The following ZNF638 variants were observed in gnomAD, a reference collection of about 807,000 sequenced individuals.
ZNF638 encodes the protein CTCL tumor antigen se33-1.
A neutral mutation model predicts 195.6 loss-of-function variants in ZNF638; 46 were observed. The ratio of observed to expected loss-of-function variants is 0.24; its 90% CI spans 0.19 to 0.30. ZNF638 has a LOEUF of 0.30. Among genes scored for constraint, ZNF638 ranks in the 10% least tolerant of loss-of-function variants. ZNF638 has a pLI of 1.00. For missense variants in ZNF638, 2,440 were observed against 2,325.3 expected (o/e 1.05, Z -1.01); for synonymous variants, 845 against 772.0 (o/e 1.09, Z -1.57).
At chr2:71,344,573 T>G (rs2078820459) in intron 1 of ZNF638, among the ~76,000 whole-genome samples, 1 of 141,048 alleles carries the variant, frequency 7.1e-6, no homozygotes, top group African/African-American at 2.6e-5. Context: ...GAATTTGAAC[T>G]TATTCTCTAG....
In ZNF638 at chr2:71,365,762, G is replaced by T. The variant is rs570517152; in HGVS notation, c.1995+56G>T. The T allele has an allele frequency of 1.7e-5, 25 of 1,467,152 alleles. No individual in the cohort carries two copies. The African/African-American group carries it at 3.1e-4, about 18-fold the overall frequency. 90.9% of individuals were successfully genotyped at this position (1,467,152 alleles called of 1,614,324 possible). Reference sequence around the variant, plus strand: ...GATAAGGTTTCACTCTGTCATCCTCGCTGGACTGCAGTGGTGCAACAAGCA... The same window carrying T: ...GATAAGGTTTCACTCTGTCATCCTCTCTGGACTGCAGTGGTGCAACAAGCA... On this transcript the variant is annotated intron_variant, in intron 6 of 27. Transcript: ENST00000264447.
intron 10 of ZNF638, among the ~76,000 whole-genome samples, chr2:71,386,293 C>CAA (rs58219651): frequency 2.9e-4 from 25 of 85,174 alleles, no homozygotes; most frequent in South Asian, 9.2e-4. Flanking sequence ...GACCTTGTCT[C>CAA]AAAAAAAAAA....
intron 10 of ZNF638, chr2:71,393,282 A>C (rs2104404528): frequency 3.2e-6 from 2 of 621,052 alleles, no homozygotes; most frequent in Non-Finnish European, 5.9e-6. Flanking sequence ...AAAACCTCTC[A>C]AGACATAAAA....
intron 3 of ZNF638, among the ~76,000 whole-genome samples, chr2:71,362,297 CT>C (rs796462227): frequency 3.3e-5 from 5 of 152,268 alleles, no homozygotes; most frequent in African/African-American, 1.2e-4. Flanking sequence ...TAGTCTCACT[CT>C]TAGGGCTATA....
chr2:71,337,207 G>A (rs1057393791), intron 1 of ZNF638, among the ~76,000 whole-genome samples: 1 of 147,150 alleles, frequency 6.8e-6, no homozygotes, highest in African/African-American at 2.5e-5. Context: ...ATGAAATGTT[G>A]TGCCATTAAC....
chr2:71,346,531 A>T (rs1457916435), intron 1 of ZNF638, among the ~76,000 whole-genome samples: 4 of 152,188 alleles, frequency 2.6e-5, no homozygotes, highest in Non-Finnish European at 5.9e-5. Flanking sequence ...CATGTTACTA[A>T]TGAGTACTTT....
chr2:71,431,192 G>A, intron 25 of ZNF638, 135 bp from the exon 26 acceptor site: 1 of 646,762 alleles, frequency 1.5e-6, no homozygotes, highest in South Asian at 2.1e-5. Context: ...GGAGAATATT[G>A]TGCAAAGAAT....
Position 71,423,060 on chromosome 2 carries a change from A to G in ZNF638, c.3546A>G (p.Ala1182=). 5 of 1,614,142 alleles carry G rather than the reference A, an allele frequency of 3.1e-6. No individual in the cohort carries two copies. The highest frequency in any genetic ancestry group is 3.4e-6 in the Non-Finnish European group (4 of 1,179,992). The part of the protein sequence containing the change: ...EEVKEEIPLV[A]SASVSIEQFT... The stretch of plus-strand genomic sequence containing the variant: ...TCAAAGAAGAAATTCCTCTTGTAGC[A>G]TCCGCTTCAGTCAGTATTGAACAAT... The change falls in exon 22 of 28, where the codon GCA becomes GCG. Residue 1182 remains alanine, a synonymous_variant. Coordinates refer to ENST00000264447, the MANE Select transcript of ZNF638 (RefSeq NM_014497.5).
rs1283612275 is a variant in ZNF638, at chr2:71,400,180, G to T, written c.2656G>T (p.Asp886Tyr). The change falls in exon 14 of 28, where the codon GAT becomes TAT. Residue 886 changes from aspartate (D) to tyrosine (Y), a missense_variant and splice_region_variant. Physicochemically the swap from Asp to Tyr is radical, Grantham distance 160. Transcript: ENST00000264447. Reference sequence around the variant, plus strand: ...AAACTGTGCTAAAGAAGCTATTTCTGGTAGGTCAATAGAAATTTTATTTTG... The same window carrying T: ...AAACTGTGCTAAAGAAGCTATTTCTTGTAGGTCAATAGAAATTTTATTTTG... ...TENCAKEAIS[D>Y]AALEATENEP... 6.2e-7 allele frequency: 1 copy of T among 1,601,518 alleles called. No homozygotes were observed. Among genetic ancestry groups the T allele is most frequent in the Non-Finnish European group, 8.5e-7 (1 of 1,174,630 alleles).
chr2:71,398,007 A>C (rs2079930233), intron 11 of ZNF638, among the ~76,000 whole-genome samples: 1 of 152,178 alleles, frequency 6.6e-6, no homozygotes, highest in Non-Finnish European at 1.5e-5. Flanking sequence ...GGGAGGATCT[A>C]GGTTTAACTG....
intron 1 of ZNF638, among the ~76,000 whole-genome samples, chr2:71,336,356 A>C (rs1184729652): frequency 7.0e-6 from 1 of 143,140 alleles, no homozygotes; most frequent in Non-Finnish European, 1.5e-5. Context: ...GGGCAACAAG[A>C]GTGAAATTCC....
intron 1 of ZNF638, among the ~76,000 whole-genome samples, chr2:71,340,609 A>G (rs1310647042): frequency 6.6e-6 from 1 of 152,174 alleles, no homozygotes; most frequent in Non-Finnish European, 1.5e-5. Context: ...AAATAATGTT[A>G]GTGGTAGTTT....
intron 10 of ZNF638, among the ~76,000 whole-genome samples, chr2:71,389,858 C>T (rs750734395): frequency 1.7e-4 from 26 of 152,120 alleles, no homozygotes; most frequent in Non-Finnish European, 3.4e-4. Flanking sequence ...ATGCTAACGT[C>T]GACTGCCAAC....
At chr2:71,431,784 CATA>C (rs2080670085) in intron 26 of ZNF638, among the ~76,000 whole-genome samples, 1 of 151,798 alleles carries the variant, frequency 6.6e-6, no homozygotes, top group Non-Finnish European at 1.5e-5. Context: ...ACAAAAACAC[CATA>C]ATAAGTATTC....
intron 1 of ZNF638, among the ~76,000 whole-genome samples, chr2:71,333,902 T>C (rs566897297): frequency 8.1e-4 from 124 of 152,368 alleles, no homozygotes; most frequent in African/African-American, 2.9e-3. Context: ...TATTTCAAAA[T>C]TGAAGTGCTT....
At chr2:71,406,872 T>C (rs1466090657) in intron 19 of ZNF638, among the ~76,000 whole-genome samples, 1 of 151,980 alleles carries the variant, frequency 6.6e-6, no homozygotes, top group Non-Finnish European at 1.5e-5. Context: ...TGGTGACGTG[T>C]GCCTCTGGTC....
At chr2:71,411,211 G>T (rs2080214285) in intron 20 of ZNF638, among the ~76,000 whole-genome samples, 1 of 150,708 alleles carries the variant, frequency 6.6e-6, no homozygotes, top group African/African-American at 2.4e-5. Flanking sequence ...TGCTGGTCAG[G>T]CTGGTCTCGA....
intron 10 of ZNF638, chr2:71,393,292 A>C (rs2079823015): frequency 1.6e-5 from 10 of 629,110 alleles, no homozygotes; most frequent in South Asian, 1.5e-4. Flanking sequence ...AAGACATAAA[A>C]CCCGCAGTTT....
At chr2:71,405,290 AT>A (rs1214131412) in intron 17 of ZNF638, among the ~76,000 whole-genome samples, 92 of 152,272 alleles carry the variant, frequency 6.0e-4, no homozygotes, top group African/African-American at 2.1e-3. Flanking sequence ...TGTAATTTGA[AT>A]TCTCTTCCTG....
Sources: gnomAD v4.1 joint callset for allele counts (sites outside exome capture counted in the v4.1 genomes callset) on GRCh38, gnomAD v4.1.1 for gene constraint, MANE v1.5 for transcripts, NCBI Gene and HGNC (gene_info 2026-07-23, HGNC 2026-07-21) for gene names.